The following CACNA1D variants were observed in gnomAD, a reference collection of about 807,000 sequenced individuals.
CACNA1D encodes voltage-dependent L-type calcium channel subunit alpha-1D.
Under a neutral mutation model 257.1 loss-of-function variants are expected in CACNA1D, and 55 were observed. That is an observed-to-expected ratio of 0.21 (90% CI 0.17 to 0.27). CACNA1D has a LOEUF of 0.27. Ranked by LOEUF, CACNA1D falls within the 10% of genes least tolerant of loss-of-function variation. The probability of loss-of-function intolerance (pLI) is 1.00; values close to 1 mark genes in which losing one functional copy is unlikely to be tolerated. For missense variants in CACNA1D, 1,876 were observed against 2,784.0 expected (o/e 0.67, Z 7.34); for synonymous variants, 980 against 1,014.9 (o/e 0.97, Z 0.65).
At chr3:53,715,748 C>T (rs374600246) in intron 9 of CACNA1D, among the ~76,000 whole-genome samples, 3 of 152,194 alleles carry the variant, frequency 2.0e-5, no homozygotes, top group African/African-American at 7.2e-5. Flanking sequence ...AGCTGAAGGA[C>T]AGAATCAGCT....
intron 3 of CACNA1D, among the ~76,000 whole-genome samples, chr3:53,555,797 T>C (rs1182544796): frequency 6.6e-6 from 1 of 152,182 alleles, no homozygotes; most frequent in Non-Finnish European, 1.5e-5. Context: ...TTTTTTATTC[T>C]TGATACACAC....
rs758791188 is a variant in CACNA1D at position 53,800,321 on chromosome 3, G to A, written c.4996G>A (p.Glu1666Lys). ...RAISCDLQDDEPEETKREEED... is the reference protein window; with the variant it reads ...RAISCDLQDDKPEETKREEED... ...TATATCGTGTGATTTGCAAGATGAC[G>A]AGCCTGAGGAAACAAAACGAGAAGA... Residue 1666 changes from glutamate (E) to lysine (K), a missense_variant, in exon 41 of 48, where the codon GAG (glutamate) becomes AAG (lysine). Glu to Lys is a moderately conservative substitution (Grantham distance 56). Transcript: ENST00000350061. The surrounding 1 kb of genome is among the most constrained non-coding windows in gnomAD (Gnocchi z 4.3). 8.1e-6 allele frequency: 13 copies of A among 1,613,794 alleles called. No individual in the cohort carries two copies. Among genetic ancestry groups the A allele is most frequent in the Admixed American group, 1.7e-5 (1 of 60,012 alleles).
intron 9 of CACNA1D, among the ~76,000 whole-genome samples, chr3:53,706,696 G>A (rs1312233226): frequency 6.6e-6 from 1 of 151,966 alleles, no homozygotes; most frequent in Admixed American, 6.6e-5. Context: ...GTGAAGTCTG[G>A]GCTTTTAGTG....
At chr3:53,526,626 A>G (rs1205848163) in intron 3 of CACNA1D, among the ~76,000 whole-genome samples, 17 of 152,238 alleles carry the variant, frequency 1.1e-4, no homozygotes. Flanking sequence ...CACGCCCTCC[A>G]ATTGGCTACG....
chr3:53,708,746 C>A (rs1432272791), intron 9 of CACNA1D, among the ~76,000 whole-genome samples: 1 of 152,120 alleles, frequency 6.6e-6, no homozygotes, highest in African/African-American at 2.4e-5. Context: ...CATGTAATTT[C>A]AAAGTATATA....
At chr3:53,580,710 C>T (rs2093118696) in intron 3 of CACNA1D, among the ~76,000 whole-genome samples, 1 of 152,226 alleles carries the variant, frequency 6.6e-6, no homozygotes, top group Non-Finnish European at 1.5e-5. Flanking sequence ...ATTTATTTCC[C>T]AGTGCAAATA....
rs767612909 is a variant in CACNA1D, at chr3:53,561,790, C to T, written c.483+60070C>T. Among the ~76,000 whole-genome samples the T allele has an allele frequency of 3.3e-5, 5 of 152,134 alleles. No individual in the cohort carries two copies. In the East Asian group the frequency reaches 7.7e-4, roughly 23 times the overall value. On this transcript the variant is annotated intron_variant, in intron 3 of 47. Transcript: ENST00000350061. ...GCCTTGATGAAGTACTGGTATACCT[C>T]GTTTGGAATTTGTTCTGAAAATGGT...
At chr3:53,629,713 C>T (rs1254587636) in intron 3 of CACNA1D, among the ~76,000 whole-genome samples, 4 of 152,202 alleles carry the variant, frequency 2.6e-5, no homozygotes, top group Admixed American at 6.5e-5. Flanking sequence ...CACCATTTCA[C>T]CCCATGCTGG....
intron 35 of CACNA1D, 24 bp downstream of exon 35, chr3:53,776,069 C>A (rs1278208235): frequency 1.9e-6 from 3 of 1,606,564 alleles, no homozygotes; most frequent in Admixed American, 3.3e-5. Context: ...ACAGCTCCCC[C>A]TCTCAATTTA....
chr3:53,800,455 C>T lies in CACNA1D; in HGVS notation c.5040+90C>T, dbSNP rs1471909791. The T allele has an allele frequency of 1.1e-6, 1 of 902,064 alleles. No homozygotes were observed. The highest frequency in any genetic ancestry group is 1.7e-5 in the Admixed American group (1 of 59,028). 55.9% of individuals were successfully genotyped at this position (902,064 alleles called of 1,614,324 possible). A position where few individuals can be genotyped will look rare whatever the true frequency, so the allele number is the denominator to read the frequency against. ...GGCAGTTAATCATCCACAGAAGAGT[C>T]TGGAGAATGCAGCCCATCCCCAGGG... On this transcript the variant is annotated intron_variant, in intron 41 of 47. Transcript: ENST00000350061. The surrounding 1 kb of genome is among the most constrained non-coding windows in gnomAD (Gnocchi z 4.3).
At chr3:53,587,541 C>T (rs1229529017) in intron 3 of CACNA1D, among the ~76,000 whole-genome samples, 1 of 152,064 alleles carries the variant, frequency 6.6e-6, no homozygotes, top group Non-Finnish European at 1.5e-5. Context: ...AAACTTCAGG[C>T]AGGAATGGGG....
intron 40 of CACNA1D, among the ~76,000 whole-genome samples, chr3:53,795,095 G>A (rs1049555547): frequency 6.6e-5 from 10 of 152,330 alleles, no homozygotes; most frequent in East Asian, 1.9e-4. Flanking sequence ...TAGCATGGCC[G>A]AGTCTTGCGG....
intron 8 of CACNA1D, among the ~76,000 whole-genome samples, chr3:53,692,192 C>T (rs1382377188): frequency 6.6e-6 from 1 of 151,762 alleles, no homozygotes; most frequent in Admixed American, 6.6e-5. Context: ...ATAAGACAGA[C>T]ACAGCCCCTC....
In CACNA1D at chr3:53,585,382, C is replaced by T. The variant is rs986451260; in HGVS notation, c.484-65397C>T. 2.6e-5 allele frequency among the ~76,000 whole-genome samples: 4 copies of T among 151,970 alleles called. No homozygotes were observed. In the East Asian group the frequency reaches 7.7e-4, roughly 29 times the overall value. On this transcript the variant is annotated intron_variant, in intron 3 of 47. Transcript: ENST00000350061. ...TTTGCTTCTTAGCAGATGTGGCTGG[C>T]CTATTTACAGTTAGAAGAATTGTCA...
intron 3 of CACNA1D, among the ~76,000 whole-genome samples, chr3:53,633,256 G>A (rs1316454275): frequency 1.3e-5 from 2 of 152,230 alleles, no homozygotes; most frequent in Non-Finnish European, 2.9e-5. Flanking sequence ...ACTTTGGGAG[G>A]CTAAGGTGGG....
intron 3 of CACNA1D, among the ~76,000 whole-genome samples, chr3:53,599,308 A>G (rs1375328038): frequency 6.6e-6 from 1 of 152,182 alleles, no homozygotes; most frequent in East Asian, 1.9e-4. Context: ...ACTATAAACC[A>G]TGTTGCATTG....
Position 53,702,789 on chromosome 3 carries a change from G to C in CACNA1D, c.1369G>C (p.Gly457Arg), listed in dbSNP as rs1173249613. 6.2e-7 allele frequency: 1 copy of C among 1,614,084 alleles called. No homozygotes were observed. Residue 457 changes from glycine (G) to arginine (R), a missense_variant, in exon 9 of 48, where the codon GGA becomes CGA. Physicochemically the swap from Gly to Arg is moderately radical, Grantham distance 125. Around this residue, in one of 10 missense-constraint regions of CACNA1D, gnomAD observed 257 missense variants for 399.7 expected, o/e 0.64. Transcript: ENST00000350061. ...DIDPENEEEG[G>R]EEGKRNTSMP... ...CGATCCGGAGAATGAGGAAGAAGGA[G>C]GAGAGGAAGGCAAACGAAATAGTAT... is the stretch of plus-strand genomic sequence containing the variant.
intron 3 of CACNA1D, among the ~76,000 whole-genome samples, chr3:53,534,361 C>A (rs2107473541): frequency 6.6e-6 from 1 of 152,382 alleles, no homozygotes; most frequent in African/African-American, 2.4e-5. Flanking sequence ...TCTCCTCCAG[C>A]CTTGTACGTC....
chr3:53,580,481 A>C (rs992220815), intron 3 of CACNA1D, among the ~76,000 whole-genome samples: 4 of 152,234 alleles, frequency 2.6e-5, no homozygotes, highest in African/African-American at 9.6e-5. Flanking sequence ...TGCCTTGTGC[A>C]CAGTAGGTGC....
Sources: allele counts gnomAD v4.1 joint callset (sites outside exome capture counted in the v4.1 genomes callset), GRCh38; gene constraint gnomAD v4.1.1; regional missense constraint gnomAD v4.1.1; non-coding constraint Gnocchi (gnomAD v3.1); transcripts MANE v1.5; gene names NCBI Gene and HGNC (gene_info 2026-07-23, HGNC 2026-07-21).